DDC: variants seen among roughly 807,000 people sequenced by gnomAD.
DDC encodes the protein dopa decarboxylase.
Under a neutral mutation model 60.0 loss-of-function variants are expected in DDC, and 43 were observed. The observed-to-expected ratio is 0.72, with a 90% CI of 0.56 to 0.92. DDC has a LOEUF of 0.92. Among genes scored for constraint, DDC ranks in the 40% least tolerant of loss-of-function variants. The pLI is 0.00. For missense variants in DDC, 573 were observed against 620.2 expected, an observed-to-expected ratio of 0.92 and a Z score of 0.81; for synonymous variants, 232 against 234.6, an observed-to-expected ratio of 0.99 and a Z score of 0.10.
intron 3 of DDC, among the ~76,000 whole-genome samples, chr7:50,538,349 C>A (rs2044489959): frequency 6.6e-6 from 1 of 152,172 alleles, no homozygotes; most frequent in South Asian, 2.1e-4. Flanking sequence ...CTCTGGGCAT[C>A]CCGAGAAGCC....
At position 50,470,170 on chromosome 7, in the gene DDC, T is replaced by C; in HGVS notation, c.1043A>G (p.His348Arg). ...TCTTCTGCCCAGTGGTATCTGCCAA[T>C]GCTGAAATGAAACATGAAACAGACC... ...QDSGLITDYR[H>R]WQIPLGRRFR... Residue 348 changes from histidine (H) to arginine (R), a missense_variant and splice_region_variant, in exon 12 of 15, where the codon CAT becomes CGT. Physicochemically the swap from His to Arg is conservative, Grantham distance 29. Coordinates refer to ENST00000444124, the MANE Select transcript of DDC (RefSeq NM_001082971.2). 1 of 1,604,990 alleles carries C rather than the reference T, an allele frequency of 6.2e-7. No individual in the cohort carries two copies. Among genetic ancestry groups the C allele is most frequent in the Non-Finnish European group, 8.5e-7 (1 of 1,171,846 alleles).
At chr7:50,514,697 C>T (rs976494787) in intron 6 of DDC, among the ~76,000 whole-genome samples, 5 of 151,926 alleles carry the variant, frequency 3.3e-5, no homozygotes, top group African/African-American at 1.2e-4. Context: ...TCTGGAAAGT[C>T]TCAGCAATAG....
chr7:50,540,006 T>A lies in DDC; in HGVS notation c.224A>T (p.Tyr75Phe), dbSNP rs754791023. Residue 75 changes from tyrosine (Y) to phenylalanine (F), a missense_variant, in exon 3 of 15, where the codon TAC (tyrosine) becomes TTC (phenylalanine). Physicochemically the swap from Tyr to Phe is conservative, Grantham distance 22 (BLOSUM62 3). Coordinates refer to ENST00000444124, the MANE Select transcript of DDC (RefSeq NM_001082971.2). Reference protein sequence around the residue: ...MPGVTHWHSPYFFAYFPTASS... With the variant: ...MPGVTHWHSPFFFAYFPTASS... Reference sequence around the variant, plus strand: ...GGCAGTGGGGAAGTAGGCGAAGAAGTAGGGGCTGTGCCAGTGCGTCACCTG... The same window carrying A: ...GGCAGTGGGGAAGTAGGCGAAGAAGAAGGGGCTGTGCCAGTGCGTCACCTG... 18 of 1,613,634 alleles carry A rather than the reference T, an allele frequency of 1.1e-5. No homozygotes were observed. Among genetic ancestry groups the A allele is most frequent in the Non-Finnish European group, 8.5e-7 (1 of 1,179,878 alleles).
intron 3 of DDC, 97 bp downstream of exon 3, chr7:50,539,818 G>T (rs536886627): frequency 6.8e-6 from 6 of 876,692 alleles, no homozygotes; most frequent in South Asian, 2.8e-5. Flanking sequence ...AGACAGCACC[G>T]CCATCTGCTC....
In DDC at chr7:50,507,003, G is replaced by A. The variant is rs2043416706; in HGVS notation, c.715-2944C>T. ...ATTTCATCTTGACATATAATTGAAT[G>A]TTAAAGCACTTTGTCTAAGACACCT... On this transcript the variant is annotated intron_variant, in intron 6 of 14. Coordinates refer to ENST00000444124, the MANE Select transcript of DDC (RefSeq NM_001082971.2). Among the ~76,000 whole-genome samples, 7 of 152,360 alleles carry A rather than the reference G, an allele frequency of 4.6e-5. No homozygotes were observed. In the South Asian group the frequency reaches 1.2e-3, roughly 27 times the overall value.
chr7:50,466,791 G>T (rs1562980309), intron 13 of DDC, among the ~76,000 whole-genome samples: 1 of 152,220 alleles, frequency 6.6e-6, no homozygotes, highest in Non-Finnish European at 1.5e-5. Context: ...GCAGCTCTAG[G>T]GTGGGGCCCA....
Position 50,468,245 on chromosome 7 carries a change from G to A in DDC, c.1141-930C>T, listed in dbSNP as rs1328925021. 3.3e-5 allele frequency among the ~76,000 whole-genome samples: 5 copies of A among 152,246 alleles called. No individual in the cohort carries two copies. In the East Asian group the frequency reaches 5.8e-4, roughly 18 times the overall value. On this transcript the variant is annotated intron_variant, in intron 12 of 14. Transcript: ENST00000444124. ...CTCGGCCTCATGGGCGATCCCGAAA[G>A]CCGGTTCCCGCCCAAGGAGACAGGC...
chr7:50,534,425 T>G (rs1378565294), intron 4 of DDC, among the ~76,000 whole-genome samples: 2 of 152,116 alleles, frequency 1.3e-5, no homozygotes, highest in Non-Finnish European at 2.9e-5. Flanking sequence ...GGCAAAACCC[T>G]GTCTCTACTA....
chr7:50,461,865 T>C (rs1436698886), intron 14 of DDC, among the ~76,000 whole-genome samples: 7 of 152,036 alleles, frequency 4.6e-5, no homozygotes, highest in Non-Finnish European at 8.8e-5. Context: ...AGCTTATGAG[T>C]AGGGGAAGGC....
intron 6 of DDC, among the ~76,000 whole-genome samples, chr7:50,520,900 A>AAAATAAATAAATAAAT (rs58873202): frequency 6.8e-6 from 1 of 147,806 alleles, no homozygotes; most frequent in South Asian, 2.2e-4. Context: ...TCTGTCTCAG[A>AAAATAAATAAATAAAT]AAATAAATAA....
intron 1 of DDC, among the ~76,000 whole-genome samples, chr7:50,555,496 T>C (rs1213250027): frequency 2.6e-5 from 4 of 152,274 alleles, no homozygotes; most frequent in Admixed American, 2.0e-4. Context: ...TAGGCCAAAG[T>C]GTCTCTACTT....
chr7:50,527,138 C>T (rs10277662), intron 6 of DDC, among the ~76,000 whole-genome samples: 33,410 of 152,082 alleles, frequency 0.22, 3,819 homozygotes, highest in East Asian at 0.4. Context: ...TCATATATTT[C>T]GCATGTTTTC....
chr7:50,526,989 G>A (rs2044053718), intron 6 of DDC, among the ~76,000 whole-genome samples: 1 of 145,336 alleles, frequency 6.9e-6, no homozygotes, highest in Non-Finnish European at 1.5e-5. Context: ...ATATAAAAGT[G>A]GAAATAGACA....
chr7:50,500,050 A>G (rs2043213834), intron 7 of DDC, among the ~76,000 whole-genome samples: 1 of 152,156 alleles, frequency 6.6e-6, no homozygotes, highest in Admixed American at 6.5e-5. Context: ...GGAGAAATAA[A>G]TGTGGCTTCC....
At chr7:50,482,224 T>C (rs2042785789) in intron 9 of DDC, among the ~76,000 whole-genome samples, 1 of 152,202 alleles carries the variant, frequency 6.6e-6, no homozygotes, top group Non-Finnish European at 1.5e-5. Flanking sequence ...CTGGTCAACG[T>C]TTAGTATGAA....
At chr7:50,491,736 C>T (rs967599666) in intron 9 of DDC, among the ~76,000 whole-genome samples, 3 of 152,194 alleles carry the variant, frequency 2.0e-5, no homozygotes, top group Admixed American at 6.5e-5. Flanking sequence ...GGGCGTGAGA[C>T]AAATATATCA....
intron 6 of DDC, among the ~76,000 whole-genome samples, chr7:50,505,355 T>C (rs921346837): frequency 3.9e-5 from 6 of 152,250 alleles, no homozygotes; most frequent in Non-Finnish European, 1.5e-5. Flanking sequence ...TTTATGGATG[T>C]CATGCAGTCT....
intron 4 of DDC, among the ~76,000 whole-genome samples, chr7:50,533,765 G>A (rs533912296): frequency 1.2e-4 from 19 of 152,196 alleles, no homozygotes; most frequent in African/African-American, 4.1e-4. Flanking sequence ...CTAACATACA[G>A]TAGAAGAAAA....
At chr7:50,557,157 C>G (rs576175884) in intron 1 of DDC, among the ~76,000 whole-genome samples, 9 of 152,284 alleles carry the variant, frequency 5.9e-5, no homozygotes, top group Non-Finnish European at 1.2e-4. Flanking sequence ...CAGGGGAAAG[C>G]CTTGCTCCTC....
Sources: gnomAD v4.1 joint callset for allele counts (sites outside exome capture counted in the v4.1 genomes callset) on GRCh38, gnomAD v4.1.1 for gene constraint, MANE v1.5 for transcripts, NCBI Gene and HGNC (gene_info 2026-07-23, HGNC 2026-07-21) for gene names.